SUPT3H: variants seen among roughly 807,000 people sequenced by gnomAD.
SUPT3H encodes the protein transcription initiation protein SPT3 homolog.
A neutral mutation model predicts 44.3 loss-of-function variants in SUPT3H; 44 were observed. The ratio of observed to expected loss-of-function variants is 0.99; its 90% CI spans 0.78 to 1.28. The LOEUF (loss-of-function observed/expected upper bound fraction) is 1.28, where lower values mean the gene tolerates loss of function less well. SUPT3H is among the 50% of genes most tolerant of loss of function. The probability of loss-of-function intolerance (pLI) is 0.00; values close to 1 mark genes in which losing one functional copy is unlikely to be tolerated. For synonymous variants in SUPT3H, 124 were observed against 125.6 expected (o/e 0.99, Z 0.09); for missense variants, 380 against 387.1 (o/e 0.98, Z 0.15).
At chr6:45,299,154 T>C (rs1781744088) in intron 2 of SUPT3H, among the ~76,000 whole-genome samples, 1 of 151,468 alleles carries the variant, frequency 6.6e-6, no homozygotes, top group Non-Finnish European at 1.5e-5. Context: ...GAAACCAGTC[T>C]GGCCAACATG....
intron 2 of SUPT3H, among the ~76,000 whole-genome samples, chr6:45,203,964 C>T (rs1176659291): frequency 2.6e-5 from 4 of 152,036 alleles, no homozygotes; most frequent in Non-Finnish European, 4.4e-5. Flanking sequence ...TTAAGAAGGG[C>T]CACCCAAACA....
intron 2 of SUPT3H, among the ~76,000 whole-genome samples, chr6:45,145,938 G>C (rs886658352): frequency 1.3e-5 from 2 of 152,072 alleles, no homozygotes; most frequent in African/African-American, 4.8e-5. Flanking sequence ...CTAATGATCA[G>C]GGAAATGCAA....
chr6:45,224,957 C>G (rs1347629890), intron 2 of SUPT3H, among the ~76,000 whole-genome samples: 1 of 151,576 alleles, frequency 6.6e-6, no homozygotes, highest in Non-Finnish European at 1.5e-5. Flanking sequence ...ATAAAAGGTC[C>G]CATACATTTA....
At chr6:45,245,173 T>C (rs1224702287) in intron 2 of SUPT3H, among the ~76,000 whole-genome samples, 1 of 152,142 alleles carries the variant, frequency 6.6e-6, no homozygotes, top group African/African-American at 2.4e-5. Flanking sequence ...TTCAAGAATA[T>C]CTATTTTGGT....
intron 10 of SUPT3H, among the ~76,000 whole-genome samples, chr6:44,885,087 T>A (rs1778936695): frequency 1.3e-5 from 2 of 152,198 alleles, no homozygotes. Flanking sequence ...TTGCCCAGGC[T>A]TGCTTAGGTA....
At chr6:45,279,763 T>A (rs1777648582) in intron 2 of SUPT3H, among the ~76,000 whole-genome samples, 1 of 152,190 alleles carries the variant, frequency 6.6e-6, no homozygotes, top group Admixed American at 6.5e-5. Flanking sequence ...TACAATGTAT[T>A]TATACAAAGA....
intron 2 of SUPT3H, among the ~76,000 whole-genome samples, chr6:45,277,322 G>A (rs574201564): frequency 5.0e-4 from 76 of 152,226 alleles, no homozygotes; most frequent in Middle Eastern, 6.8e-3. Flanking sequence ...AGGAGGTTTA[G>A]ATTAGAATTA....
chr6:45,037,010 C>T (rs1787773182), intron 3 of SUPT3H, among the ~76,000 whole-genome samples: 1 of 152,006 alleles, frequency 6.6e-6, no homozygotes, highest in East Asian at 1.9e-4. Context: ...GTGGGAAATA[C>T]TTATTTTATT....
chr6:45,194,358 A>C (rs1256990823), intron 2 of SUPT3H, among the ~76,000 whole-genome samples: 4 of 152,126 alleles, frequency 2.6e-5, no homozygotes, highest in African/African-American at 9.7e-5. Flanking sequence ...TGTGGTGTGG[A>C]GGAAGAAGAA....
chr6:45,248,968 G>C (rs1326772540), intron 2 of SUPT3H, among the ~76,000 whole-genome samples: 1 of 150,358 alleles, frequency 6.7e-6, no homozygotes, highest in Non-Finnish European at 1.5e-5. Context: ...GAAATACAAA[G>C]GACACTCTGG....
intron 3 of SUPT3H, among the ~76,000 whole-genome samples, chr6:45,038,592 T>C (rs1332981063): frequency 6.6e-6 from 1 of 152,182 alleles, no homozygotes; most frequent in Non-Finnish European, 1.5e-5. Flanking sequence ...CATGTACAAA[T>C]AGCTATCTCA....
intron 10 of SUPT3H, among the ~76,000 whole-genome samples, chr6:44,881,835 A>G (rs1047495149): frequency 1.3e-5 from 2 of 152,218 alleles, no homozygotes; most frequent in Non-Finnish European, 2.9e-5. Flanking sequence ...CTTCGAAGCC[A>G]ATGAGAACTA....
At chr6:44,998,915 CT>C (rs1462983862) in intron 6 of SUPT3H, among the ~76,000 whole-genome samples, 1 of 151,846 alleles carries the variant, frequency 6.6e-6, no homozygotes, top group African/African-American at 2.4e-5. Context: ...TTTAACAAAG[CT>C]TTGTCTACAC....
chr6:44,917,348 C>T (rs1350261866), intron 10 of SUPT3H, among the ~76,000 whole-genome samples: 1 of 152,104 alleles, frequency 6.6e-6, no homozygotes, highest in Non-Finnish European at 1.5e-5. Flanking sequence ...AGACTGTATA[C>T]ACATACATAT....
intron 3 of SUPT3H, among the ~76,000 whole-genome samples, chr6:45,104,701 T>C (rs1799038262): frequency 6.6e-6 from 1 of 152,056 alleles, no homozygotes; most frequent in African/African-American, 2.4e-5. Context: ...GAAGATGAAA[T>C]AGTTAAAAAA....
intron 3 of SUPT3H, among the ~76,000 whole-genome samples, chr6:45,069,889 C>T (rs544416263): frequency 6.6e-6 from 1 of 152,070 alleles, no homozygotes; most frequent in South Asian, 2.1e-4. Flanking sequence ...AGCTCCCTTC[C>T]ACTGATATAA....
At chr6:45,349,165 T>C (rs964066214) in intron 2 of SUPT3H, among the ~76,000 whole-genome samples, 8 of 152,256 alleles carry the variant, frequency 5.3e-5, no homozygotes, top group African/African-American at 1.9e-4. Context: ...ACAACTACAC[T>C]AGAGGGGGAA....
At chr6:45,328,017 C>T (rs1562960101) in intron 2 of SUPT3H, 2 of 194,536 alleles carry the variant, frequency 1.0e-5, no homozygotes, top group Admixed American at 1.0e-4. Context: ...CTGCAGAGCT[C>T]TGCTCTACAA....
intron 9 of SUPT3H, among the ~76,000 whole-genome samples, chr6:44,939,882 T>C (rs570764121): frequency 1.6e-5 from 2 of 127,092 alleles, no homozygotes; most frequent in Admixed American, 1.7e-4. Flanking sequence ...TTTGTATGTT[T>C]GTGGTATCAG....
Sources: allele counts gnomAD v4.1 joint callset (sites outside exome capture counted in the v4.1 genomes callset), GRCh38; gene constraint gnomAD v4.1.1; transcripts MANE v1.5; gene names NCBI Gene and HGNC (gene_info 2026-07-23, HGNC 2026-07-21).